The following TMT1B variants were observed in gnomAD, a reference collection of about 807,000 sequenced individuals.
TMT1B encodes thiol S-methyltransferase TMT1B.
At chr12:55,682,248 G>A in the TMT1B span, 1 of 1,609,794 alleles carries the variant, frequency 6.2e-7, no homozygotes, top group Non-Finnish European at 8.5e-7. Context: ...AGAGTACTGA[G>A]ACCGGTAAGC....
the TMT1B span, chr12:55,684,599 C>T: frequency 4.9e-4 from 84 of 171,512 alleles, no homozygotes; most frequent in Admixed American, 1.3e-3. Context: ...AATAAATAGA[C>T]GAAACCACGA....
At chr12:55,682,504 G>A in the TMT1B span, among the ~76,000 whole-genome samples, 1 of 150,478 alleles carries the variant, frequency 6.6e-6, no homozygotes, top group East Asian at 2.0e-4. Context: ...CTAAGGAACT[G>A]AGGTTTAAAT....
At chr12:55,681,876 C>T in the TMT1B span, 1 of 1,606,274 alleles carries the variant, frequency 6.2e-7, no homozygotes, top group Admixed American at 1.7e-5. Context: ...TACCTGATGG[C>T]CGTGCTGACT....
At chr12:55,683,690 T>G in the TMT1B span, 1 of 945,844 alleles carries the variant, frequency 1.1e-6, no homozygotes, top group African/African-American at 1.6e-5. Flanking sequence ...CACGACAGTT[T>G]GCTCCATGAA....
the TMT1B span, among the ~76,000 whole-genome samples, chr12:55,682,979 A>C: frequency 1.3e-5 from 2 of 152,006 alleles, no homozygotes; most frequent in African/African-American, 4.8e-5. Context: ...CTGAGGGGAG[A>C]GCTGATGAAA....
the TMT1B span, chr12:55,683,783 A>T: frequency 6.2e-7 from 1 of 1,605,874 alleles, no homozygotes; most frequent in Non-Finnish European, 8.5e-7. Context: ...GAATGGAGCC[A>T]AGTGACACTA....
the TMT1B span, chr12:55,681,786 T>G: frequency 6.4e-7 from 1 of 1,552,150 alleles, no homozygotes; most frequent in Non-Finnish European, 8.7e-7. Flanking sequence ...CTGCAGCTGC[T>G]GGTGCTGCTT....
At chr12:55,684,023 C>A in the TMT1B span, 6 of 1,613,440 alleles carry the variant, frequency 3.7e-6, no homozygotes, top group Non-Finnish European at 5.1e-6. Context: ...TGTTGGGCCC[C>A]ACATCATGGG....
At chr12:55,683,703 C>G in the TMT1B span, 4 of 1,103,236 alleles carry the variant, frequency 3.6e-6, no homozygotes, top group Non-Finnish European at 4.1e-6. Context: ...TCCATGAACT[C>G]TCAGACCAGC....
the TMT1B span, among the ~76,000 whole-genome samples, chr12:55,682,950 A>G: frequency 9.9e-5 from 15 of 152,176 alleles, no homozygotes; most frequent in African/African-American, 3.4e-4. Flanking sequence ...AATAGTTTCC[A>G]GGTTTCTAGC....
At chr12:55,682,386 G>A in the TMT1B span, 1 of 836,586 alleles carries the variant, frequency 1.2e-6, no homozygotes, top group South Asian at 1.8e-5. Context: ...CTACCTGCTG[G>A]TGAATAGGAG....
chr12:55,683,716 C>A, the TMT1B span: 1 of 1,206,550 alleles, frequency 8.3e-7, no homozygotes, highest in Non-Finnish European at 1.2e-6. Context: ...AGACCAGCAG[C>A]TCCCATTTCA....
chr12:55,683,968 C>G, the TMT1B span: 2 of 1,614,032 alleles, frequency 1.2e-6, no homozygotes, highest in Non-Finnish European at 1.7e-6. Flanking sequence ...CCCAGTTCTC[C>G]GAAATCCAAA....
the TMT1B span, among the ~76,000 whole-genome samples, chr12:55,683,113 G>A: frequency 2.6e-5 from 4 of 152,176 alleles, no homozygotes; most frequent in Admixed American, 6.5e-5. Flanking sequence ...TGGGCCTGAG[G>A]TTTCCCTGGG....
the TMT1B span, among the ~76,000 whole-genome samples, chr12:55,683,464 C>G: frequency 6.6e-6 from 1 of 152,122 alleles, no homozygotes; most frequent in Non-Finnish European, 1.5e-5. Flanking sequence ...CATTGCACTC[C>G]AGCCTGAGCA....
the TMT1B span, chr12:55,682,346 T>A: frequency 3.2e-6 from 4 of 1,258,230 alleles, no homozygotes; most frequent in African/African-American, 3.0e-5. Flanking sequence ...TCTGAGGTAG[T>A]AAGTAGCACA....
the TMT1B span, chr12:55,681,744 G>A: frequency 2.6e-6 from 4 of 1,541,448 alleles, no homozygotes; most frequent in Non-Finnish European, 3.5e-6. Flanking sequence ...ACAGCTCAGA[G>A]CTGGTCTGCC....
the TMT1B span, chr12:55,681,784 G>T: frequency 6.4e-7 from 1 of 1,552,010 alleles, no homozygotes; most frequent in Non-Finnish European, 8.7e-7. Flanking sequence ...TCCTGCAGCT[G>T]CTGGTGCTGC....
the TMT1B span, chr12:55,681,872 A>C: frequency 5.2e-5 from 83 of 1,604,732 alleles, no homozygotes; most frequent in Non-Finnish European, 6.4e-5. Flanking sequence ...CCCCTACCTG[A>C]TGGCCGTGCT....
Sources: gnomAD v4.1 joint callset for allele counts (sites outside exome capture counted in the v4.1 genomes callset) on GRCh38, gnomAD v4.1.1 for gene constraint, MANE v1.5 for transcripts, NCBI Gene and HGNC (gene_info 2026-07-23, HGNC 2026-07-21) for gene names.